The following GPATCH2 variants were observed in gnomAD, a reference collection of about 807,000 sequenced individuals.
GPATCH2 encodes the protein G-patch domain containing 2, also known as G patch domain-containing protein 2.
A neutral mutation model predicts 58.0 loss-of-function variants in GPATCH2; 51 were observed. The ratio of observed to expected loss-of-function variants is 0.88; its 90% CI spans 0.70 to 1.11. The LOEUF (loss-of-function observed/expected upper bound fraction) is 1.11, where lower values mean the gene tolerates loss of function less well. Among genes scored for constraint, GPATCH2 ranks in the 50% most tolerant of loss-of-function variants. GPATCH2 has a pLI of 0.00. For missense variants in GPATCH2, 625 were observed against 652.2 expected (o/e 0.96, Z 0.45); for synonymous variants, 222 against 218.5 (o/e 1.02, Z -0.14).
At chr1:217,618,222 T>C (rs1402228152) in intron 2 of GPATCH2, among the ~76,000 whole-genome samples, 4 of 61,148 alleles carry the variant, frequency 6.5e-5, no homozygotes, top group Non-Finnish European at 8.5e-5. Flanking sequence ...CTCTGGAAAC[T>C]TTTTTTTTTT....
intron 5 of GPATCH2, among the ~76,000 whole-genome samples, chr1:217,571,800 C>T (rs1472082888): frequency 3.3e-5 from 5 of 150,288 alleles, no homozygotes; most frequent in East Asian, 2.0e-4. Context: ...GGCTGAGGCA[C>T]GAGAATCACT....
intron 5 of GPATCH2, among the ~76,000 whole-genome samples, chr1:217,596,213 T>C (rs140502175): frequency 6.6e-6 from 1 of 152,300 alleles, no homozygotes; most frequent in African/African-American, 2.4e-5. Context: ...CTCAGAATAA[T>C]GACTTGCCCA....
chr1:217,609,527 A>G (rs1233643714), intron 5 of GPATCH2: 3 of 983,378 alleles, frequency 3.1e-6, no homozygotes, highest in Non-Finnish European at 3.6e-6. Context: ...AAGCTATACT[A>G]TAAAATACAA....
At chr1:217,433,689 C>G (rs79161304) in intron 9 of GPATCH2, among the ~76,000 whole-genome samples, 2,210 of 152,236 alleles carry the variant, frequency 0.015, 19 homozygotes, top group Middle Eastern at 0.054. Context: ...AGCCACCACA[C>G]CCAAACTGTA....
At chr1:217,502,110 C>T (rs1662336727) in intron 6 of GPATCH2, among the ~76,000 whole-genome samples, 1 of 152,058 alleles carries the variant, frequency 6.6e-6, no homozygotes, top group Admixed American at 6.6e-5. Context: ...CCACACAGTC[C>T]TGAATACTGT....
chr1:217,558,773 C>G (rs1665769749), intron 5 of GPATCH2, among the ~76,000 whole-genome samples: 1 of 152,048 alleles, frequency 6.6e-6, no homozygotes, highest in Non-Finnish European at 1.5e-5. Flanking sequence ...CAGAGTGAGA[C>G]CTGTTCTACA....
At chr1:217,498,309 C>T (rs776182931) in intron 7 of GPATCH2, 47 bp downstream of exon 7, 3 of 1,445,794 alleles carry the variant, frequency 2.1e-6, no homozygotes, top group South Asian at 1.1e-5. Flanking sequence ...CAGTTAAATA[C>T]TTGAAAGAGG....
At chr1:217,469,080 T>A (rs1660604957) in intron 8 of GPATCH2, among the ~76,000 whole-genome samples, 1 of 152,148 alleles carries the variant, frequency 6.6e-6, no homozygotes, top group Non-Finnish European at 1.5e-5. Context: ...AATTAAGTTA[T>A]CCATGAGGTC....
intron 8 of GPATCH2, among the ~76,000 whole-genome samples, chr1:217,471,180 A>C (rs2102502123): frequency 6.6e-6 from 1 of 152,186 alleles, no homozygotes; most frequent in South Asian, 2.1e-4. Context: ...TTGTTTTAAA[A>C]TCCTAAATTT....
intron 8 of GPATCH2, among the ~76,000 whole-genome samples, chr1:217,490,499 T>C (rs1347258141): frequency 4.6e-5 from 7 of 152,212 alleles, no homozygotes; most frequent in Non-Finnish European, 7.3e-5. Flanking sequence ...CTATGATTGA[T>C]TGTATCACAG....
intron 9 of GPATCH2, among the ~76,000 whole-genome samples, chr1:217,432,717 T>C (rs1027968684): frequency 6.6e-6 from 1 of 151,972 alleles, no homozygotes; most frequent in African/African-American, 2.4e-5. Flanking sequence ...AGAAAGTGAA[T>C]AACAGACAAA....
chr1:217,618,650 AAAAT>A (rs1052956120), intron 2 of GPATCH2, among the ~76,000 whole-genome samples: 3 of 152,196 alleles, frequency 2.0e-5, no homozygotes, highest in Non-Finnish European at 2.9e-5. Flanking sequence ...AACAAAATAA[AAAAT>A]AAAAACCAAA....
intron 5 of GPATCH2, among the ~76,000 whole-genome samples, chr1:217,549,794 C>T (rs1468979976): frequency 6.6e-6 from 1 of 152,100 alleles, no homozygotes; most frequent in Non-Finnish European, 1.5e-5. Context: ...CATAAACTAA[C>T]AGGTCTTATG....
intron 9 of GPATCH2, among the ~76,000 whole-genome samples, chr1:217,448,393 T>G (rs900415363): frequency 6.6e-6 from 1 of 152,208 alleles, no homozygotes. Flanking sequence ...AAACATTTTC[T>G]CATACAGCTT....
Position 217,498,392 on chromosome 1 carries a change from A to C in GPATCH2, c.1170T>G (p.His390Gln). ...CTGTCCTAGCCCCAGGGCTAAACCA[A>C]TGGCTGCAGAGGAAAGAAAAAGGCA... The part of the protein sequence containing the change: ...HFSPDSHHHD[H>Q]WFSPGARTEH... The change falls in exon 7 of 10, where the codon CAT (histidine) becomes CAG (glutamine). Residue 390 changes from histidine (H) to glutamine (Q), a missense_variant. Coordinates refer to ENST00000366935, the MANE Select transcript of GPATCH2 (RefSeq NM_018040.5). 51 of 1,612,510 alleles carry C rather than the reference A, an allele frequency of 3.2e-5. No individual in the cohort carries two copies. The highest frequency in any genetic ancestry group is 4.2e-5 in the Non-Finnish European group (50 of 1,178,570).
At chr1:217,460,582 A>G (rs201962610) in intron 8 of GPATCH2, among the ~76,000 whole-genome samples, 7 of 152,242 alleles carry the variant, frequency 4.6e-5, no homozygotes, top group Non-Finnish European at 8.8e-5. Context: ...GTGACGTGCC[A>G]TAGCTGTGTC....
intron 6 of GPATCH2, among the ~76,000 whole-genome samples, chr1:217,514,558 T>A (rs897947670): frequency 1.3e-5 from 2 of 152,224 alleles, no homozygotes; most frequent in Admixed American, 6.5e-5. Flanking sequence ...AAATTTTAAA[T>A]TTTTAAGACA....
At chr1:217,433,706 C>T (rs1658668559) in intron 9 of GPATCH2, among the ~76,000 whole-genome samples, 1 of 152,094 alleles carries the variant, frequency 6.6e-6, no homozygotes, top group African/African-American at 2.4e-5. Flanking sequence ...TGTACATATA[C>T]ATTTTTAAGT....
chr1:217,594,870 T>G (rs112590801), intron 5 of GPATCH2, among the ~76,000 whole-genome samples: 1 of 152,178 alleles, frequency 6.6e-6, no homozygotes, highest in Non-Finnish European at 1.5e-5. Context: ...AGTGCTACAC[T>G]GTGGAGCTGG....
Sources: allele counts gnomAD v4.1 joint callset (sites outside exome capture counted in the v4.1 genomes callset), GRCh38; gene constraint gnomAD v4.1.1; transcripts MANE v1.5; gene names NCBI Gene and HGNC (gene_info 2026-07-23, HGNC 2026-07-21).